The following SHTN1 variants were observed in gnomAD, a reference collection of about 807,000 sequenced individuals.
SHTN1 encodes the protein shootin-1.
In SHTN1, 42 loss-of-function variants were observed where a neutral mutation model predicts 83.1. That is an observed-to-expected ratio of 0.51 (90% CI 0.39 to 0.65). SHTN1 has a LOEUF of 0.65. Ranked by LOEUF, SHTN1 falls within the 30% of genes least tolerant of loss-of-function variation. The probability of loss-of-function intolerance (pLI) is 0.00; values close to 1 mark genes in which losing one functional copy is unlikely to be tolerated. For missense variants in SHTN1, 622 were observed against 737.8 expected (o/e 0.84, Z 1.82); for synonymous variants, 224 against 247.7 (o/e 0.90, Z 0.90).
intron 1 of SHTN1, among the ~76,000 whole-genome samples, chr10:117,084,835 A>G (rs951615495): frequency 1.3e-5 from 2 of 152,260 alleles, no homozygotes; most frequent in South Asian, 4.1e-4. Flanking sequence ...TTGATTAGGA[A>G]AGGGAACTCC....
intron 1 of SHTN1, among the ~76,000 whole-genome samples, chr10:116,993,017 C>CTTTTTTTTTTTTTTTTTTTTTTGT (rs35364697): frequency 8.2e-6 from 1 of 121,226 alleles, no homozygotes; most frequent in Non-Finnish European, 1.6e-5. Flanking sequence ...TCTTTTTTTT[C>CTTTTTTTTTTTTTTTTTTTTTTGT]TTTTTTTTTT....
intron 1 of SHTN1, among the ~76,000 whole-genome samples, chr10:117,062,402 G>A (rs946322085): frequency 2.0e-5 from 3 of 152,138 alleles, no homozygotes; most frequent in African/African-American, 7.2e-5. Context: ...AATCTCACAA[G>A]TAAGAAATTG....
chr10:116,951,799 C>A, intron 6 of SHTN1, 110 bp downstream of exon 6: 1 of 467,412 alleles, frequency 2.1e-6, no homozygotes, highest in South Asian at 6.9e-5. Flanking sequence ...AAAATTGGTA[C>A]ATGGTTCTCA....
At chr10:116,996,841 T>C (rs1466245396) in intron 1 of SHTN1, among the ~76,000 whole-genome samples, 2 of 152,182 alleles carry the variant, frequency 1.3e-5, no homozygotes, top group Non-Finnish European at 2.9e-5. Flanking sequence ...CTGGTTCCAA[T>C]CTGGTTTTCT....
intron 2 of SHTN1, among the ~76,000 whole-genome samples, chr10:117,014,451 T>G (rs1049524253): frequency 6.6e-6 from 1 of 152,188 alleles, no homozygotes; most frequent in African/African-American, 2.4e-5. Context: ...TAACTGTACT[T>G]TGACTGGACA....
chr10:116,905,064 G>A (rs1048854959), intron 15 of SHTN1, among the ~76,000 whole-genome samples: 17 of 151,706 alleles, frequency 1.1e-4, no homozygotes, highest in Admixed American at 7.9e-4. Context: ...AGCCGGGCGC[G>A]GTGGCGGGCG....
chr10:117,012,498 G>GA (rs1489512012), intron 2 of SHTN1, among the ~76,000 whole-genome samples: 23 of 150,684 alleles, frequency 1.5e-4, no homozygotes, highest in East Asian at 5.8e-4. Context: ...AATTCAATGG[G>GA]AAAAAAAAAG....
chr10:116,913,123 G>A (rs1434742663), intron 13 of SHTN1, among the ~76,000 whole-genome samples: 1 of 152,150 alleles, frequency 6.6e-6, no homozygotes, highest in Non-Finnish European at 1.5e-5. Flanking sequence ...TATTCTCAAG[G>A]CAGGCTTGAC....
At chr10:117,036,841 T>C (rs991546757) in intron 2 of SHTN1, among the ~76,000 whole-genome samples, 11 of 152,220 alleles carry the variant, frequency 7.2e-5, no homozygotes, top group Admixed American at 3.3e-4. Flanking sequence ...CCATGTTACA[T>C]AATGTGGCTA....
intron 2 of SHTN1, among the ~76,000 whole-genome samples, chr10:116,978,109 A>G (rs1471381968): frequency 6.6e-6 from 1 of 152,220 alleles, no homozygotes; most frequent in Non-Finnish European, 1.5e-5. Flanking sequence ...CCTTAAAACT[A>G]GGTGAAAAAT....
intron 9 of SHTN1, among the ~76,000 whole-genome samples, chr10:116,938,065 A>G (rs905403902): frequency 2.6e-5 from 4 of 151,834 alleles, no homozygotes; most frequent in African/African-American, 9.7e-5. Flanking sequence ...CAATTCCTCT[A>G]ACCTTTTATC....
At chr10:117,006,565 C>CAAA (rs35193104), upstream of SHTN1, among the ~76,000 whole-genome samples, 2 of 92,656 alleles carry the variant, frequency 2.2e-5, no homozygotes, top group African/African-American at 4.2e-5. Flanking sequence ...GACTCCGTCT[C>CAAA]AAAAAAAAAA....
At chr10:117,010,191 GAA>G (rs34469385), upstream of SHTN1, among the ~76,000 whole-genome samples, 3 of 151,606 alleles carry the variant, frequency 2.0e-5, no homozygotes, top group Non-Finnish European at 2.9e-5. Flanking sequence ...AATTAACGAA[GAA>G]AAAAAAGAAA....
Position 116,881,548 on chromosome 10 carries a change from A to G in SHTN1, c.*4796T>C. 6.5e-7 allele frequency: 1 copy of G among 1,546,920 alleles called. No homozygotes were observed. The highest frequency in any genetic ancestry group is 8.7e-7 in the Non-Finnish European group (1 of 1,146,030). On this transcript the variant is annotated 3_prime_UTR_variant, in exon 17 of 17. Transcript: ENST00000355371. ...GAAGAACACACTTTTTTTTACTTTA[A>G]TGAGGAAGCTGAAAAGGCTGCGGAG... is the stretch of plus-strand genomic sequence containing the variant.
chr10:116,907,733 G>A (rs1174023726), intron 14 of SHTN1, among the ~76,000 whole-genome samples: 10 of 152,158 alleles, frequency 6.6e-5, no homozygotes, highest in Admixed American at 5.9e-4. Context: ...GGGAAGGCAG[G>A]AGAACCATAC....
chr10:116,933,343 G>A (rs966797490), intron 9 of SHTN1, among the ~76,000 whole-genome samples: 2 of 151,760 alleles, frequency 1.3e-5, no homozygotes, highest in African/African-American at 4.8e-5. Context: ...ACAGGCCCTG[G>A]TGTGTGATGT....
chr10:116,911,863 G>GA lies in SHTN1; in HGVS notation c.1306-21dup. 6.3e-7 allele frequency: 1 copy of GA among 1,585,678 alleles called. No individual in the cohort carries two copies. Among genetic ancestry groups the GA allele is most frequent in the Non-Finnish European group, 8.7e-7 (1 of 1,154,858 alleles). On this transcript the variant is annotated intron_variant, in intron 13 of 16. Transcript: ENST00000355371. The stretch of plus-strand genomic sequence containing the variant: ...TTCTGGCTATAATTTTAATAAGAAA[G>GA]AAAAATCACTGAGTAATTCAGTTTA...
intron 1 of SHTN1, among the ~76,000 whole-genome samples, chr10:116,996,399 T>C (rs1019732867): frequency 3.9e-5 from 6 of 152,196 alleles, no homozygotes; most frequent in African/African-American, 1.2e-4. Flanking sequence ...TCTGAAGCTA[T>C]GCAAGCTAAA....
chr10:117,034,652 A>C (rs1471178690), intron 2 of SHTN1, among the ~76,000 whole-genome samples: 4 of 152,118 alleles, frequency 2.6e-5, no homozygotes, highest in South Asian at 2.1e-4. Flanking sequence ...AAAAAAAAAA[A>C]ATCAACATAG....
Sources: gnomAD v4.1 joint callset for allele counts (sites outside exome capture counted in the v4.1 genomes callset) on GRCh38, gnomAD v4.1.1 for gene constraint, MANE v1.5 for transcripts, NCBI Gene and HGNC (gene_info 2026-07-23, HGNC 2026-07-21) for gene names.